Variants in TUB observed in about 807,000 individuals in gnomAD.
TUB encodes the protein tubby protein homolog.
In TUB, 33 loss-of-function variants were observed where a neutral mutation model predicts 59.7. That is an observed-to-expected ratio of 0.55 (90% CI 0.42 to 0.74). The LOEUF is 0.74. Ranked by LOEUF, TUB falls within the 30% of genes least tolerant of loss-of-function variation. The pLI, the probability that TUB is intolerant of heterozygous loss-of-function variation, is 0.00. For synonymous variants in TUB, 293 were observed against 256.4 expected (o/e 1.14, Z -1.36); for missense variants, 659 against 672.0 (o/e 0.98, Z 0.21).
chr11:8,098,043 C>G (rs1188016741), intron 8 of TUB, among the ~76,000 whole-genome samples: 1 of 152,144 alleles, frequency 6.6e-6, no homozygotes, highest in Non-Finnish European at 1.5e-5. Context: ...CCAAGCTGTT[C>G]CCAGGAGGTG....
At chr11:8,046,247 T>G (rs1020253564) in intron 2 of TUB, among the ~76,000 whole-genome samples, 2 of 152,244 alleles carry the variant, frequency 1.3e-5, no homozygotes, top group Admixed American at 1.3e-4. Flanking sequence ...TTGTCCAATG[T>G]CTGAACTGTC....
intron 2 of TUB, among the ~76,000 whole-genome samples, chr11:8,052,484 T>C (rs1410192538): frequency 1.4e-5 from 2 of 146,962 alleles, no homozygotes; most frequent in African/African-American, 5.0e-5. Flanking sequence ...TTTTTTTTTT[T>C]TTTGAGACGG....
At chr11:8,083,008 A>G (rs1943599377) in intron 1 of TUB, among the ~76,000 whole-genome samples, 2 of 152,228 alleles carry the variant, frequency 1.3e-5, no homozygotes, top group African/African-American at 2.4e-5. Context: ...TCATGGAACC[A>G]GGGACTGGGG....
At chr11:8,080,153 C>T (rs868196908), upstream of TUB, among the ~76,000 whole-genome samples, 54 of 152,200 alleles carry the variant, frequency 3.5e-4, no homozygotes, top group Middle Eastern at 3.2e-3. Flanking sequence ...GCAGTCCTGA[C>T]CGCCTATTTA....
At chr11:8,054,703 T>C (rs1161783989) in intron 2 of TUB, among the ~76,000 whole-genome samples, 4 of 152,248 alleles carry the variant, frequency 2.6e-5, no homozygotes, top group Non-Finnish European at 4.4e-5. Context: ...ACATGGTCTC[T>C]GCAGCCATGG....
At position 8,043,942 on chromosome 11, in the gene TUB, T is replaced by G. The variant is rs567939885; in HGVS notation, c.203+4250T>G. 2.6e-5 allele frequency among the ~76,000 whole-genome samples: 4 copies of G among 152,280 alleles called. No homozygotes were observed. The South Asian group carries it at 8.3e-4, about 32-fold the overall frequency. Reference sequence around the variant, plus strand: ...CTTGGCTAAAACCTCCAGTACAATGTTGAATACATTTGTCTAGAATGAGCA... The same window carrying G: ...CTTGGCTAAAACCTCCAGTACAATGGTGAATACATTTGTCTAGAATGAGCA... On this transcript the variant is annotated intron_variant, in intron 2 of 12. Transcript: ENST00000305253.
At chr11:8,027,578 G>A (rs374779683) in intron 1 of TUB, among the ~76,000 whole-genome samples, 3 of 152,160 alleles carry the variant, frequency 2.0e-5, no homozygotes, top group South Asian at 2.1e-4. Flanking sequence ...GCAGTGGCGC[G>A]ACCTCAGCTC....
At position 8,061,565 on chromosome 11, in the gene TUB, A is replaced by G. The variant is rs117697737; in HGVS notation, c.203+21873A>G. Among the ~76,000 whole-genome samples, 1,278 of 152,124 alleles carry G rather than the reference A, an allele frequency of 8.4e-3. 10 individuals carry two copies. Among genetic ancestry groups the G allele is most frequent in the Middle Eastern group, 0.017 (5 of 294 alleles). Reference sequence around the variant, plus strand: ...AGCTTTGCACACCCCTTGCCCTGGGATCCTGGGGTGCAAGAGTAGGACGAG... The same window carrying G: ...AGCTTTGCACACCCCTTGCCCTGGGGTCCTGGGGTGCAAGAGTAGGACGAG... On this transcript the variant is annotated intron_variant, in intron 2 of 12. Coordinates refer to the TUB transcript ENST00000305253.
intron 2 of TUB, among the ~76,000 whole-genome samples, chr11:8,040,156 G>C (rs901426460): frequency 6.6e-6 from 1 of 152,152 alleles, no homozygotes; most frequent in Non-Finnish European, 1.5e-5. Context: ...CCTGCCCCGG[G>C]GTGCCGTCCC....
At chr11:8,036,738 A>G (rs1187756794), upstream of TUB, among the ~76,000 whole-genome samples, 3 of 152,182 alleles carry the variant, frequency 2.0e-5, no homozygotes, top group African/African-American at 7.2e-5. Flanking sequence ...TGAGAGATGC[A>G]GTTTATCCAG....
At chr11:8,086,298 G>C (rs1943664396) in intron 1 of TUB, among the ~76,000 whole-genome samples, 1 of 152,198 alleles carries the variant, frequency 6.6e-6, no homozygotes, top group Non-Finnish European at 1.5e-5. Context: ...GAAACAGGCA[G>C]GCTGGGGAAG....
At chr11:8,082,612 T>C (rs1943590742) in intron 1 of TUB, among the ~76,000 whole-genome samples, 1 of 152,152 alleles carries the variant, frequency 6.6e-6, no homozygotes, top group African/African-American at 2.4e-5. Context: ...CAGGATGAGA[T>C]CCTCAGGTCC....
chr11:8,061,674 A>G (rs1589941567), intron 2 of TUB, among the ~76,000 whole-genome samples: 1 of 151,560 alleles, frequency 6.6e-6, no homozygotes. Context: ...CATACACTGG[A>G]CCCTCCTATT....
At chr11:8,076,507 A>AC (rs747130251), upstream of TUB, 5 of 152,200 alleles carry the variant, frequency 3.3e-5, no homozygotes, top group South Asian at 1.0e-3. Context: ...GGTTTTCGCC[A>AC]CCTCTTTTCC....
rs17847553 is a variant in TUB, at chr11:8,103,123, C to T, written c.*1504C>T. 0.034 allele frequency: 5,220 copies of T among 152,258 alleles called. 110 individuals are homozygous for T. Among genetic ancestry groups the T allele is most frequent in the South Asian group, 0.071 (344 of 4,814 alleles). The allele number at this position is 152,258 out of a possible 1,614,324, so 9.4% of individuals were successfully genotyped here. On this transcript the variant is annotated 3_prime_UTR_variant, in exon 12 of 12. Transcript: ENST00000299506. The stretch of plus-strand genomic sequence containing the variant: ...ACTCAGCAGTAAGCAGGCCTTAGTA[C>T]GGCTGCTGCACACTTCTCGGTCTAG...
At chr11:8,093,673 G>T (rs1487179375) in intron 3 of TUB, among the ~76,000 whole-genome samples, 1 of 152,176 alleles carries the variant, frequency 6.6e-6, no homozygotes, top group African/African-American at 2.4e-5. Flanking sequence ...TGCAGCCTTT[G>T]TTCTTTCTTC....
chr11:8,033,890 G>C (rs571416449), upstream of TUB, among the ~76,000 whole-genome samples: 3 of 152,250 alleles, frequency 2.0e-5, no homozygotes, highest in Non-Finnish European at 4.4e-5. Flanking sequence ...TTCCCCCTCT[G>C]GCCTGGTTCT....
intron 2 of TUB, among the ~76,000 whole-genome samples, chr11:8,073,063 A>G (rs952568926): frequency 3.9e-5 from 6 of 152,192 alleles, no homozygotes; most frequent in African/African-American, 9.7e-5. Context: ...CACATTAGCA[A>G]CTTAGCCAGG....
At chr11:8,069,027 G>C (rs1943305001) in intron 2 of TUB, 1 of 152,210 alleles carries the variant, frequency 6.6e-6, no homozygotes, top group Non-Finnish European at 1.5e-5. Flanking sequence ...AATCCCAGAA[G>C]ACTGAGCAGG....
Sources: gnomAD v4.1 joint callset for allele counts (sites outside exome capture counted in the v4.1 genomes callset) on GRCh38, gnomAD v4.1.1 for gene constraint, MANE v1.5 for transcripts, NCBI Gene and HGNC (gene_info 2026-07-23, HGNC 2026-07-21) for gene names.